ATP8A1: variants seen among roughly 807,000 people sequenced by gnomAD.
ATP8A1 encodes the protein phospholipid-transporting ATPase IA.
ATP8A1 carries 90 observed loss-of-function variants against 177.7 expected under a neutral mutation model. That is an observed-to-expected ratio of 0.51 (90% confidence interval 0.43 to 0.60). The LOEUF (loss-of-function observed/expected upper bound fraction) is 0.60. ATP8A1 is among the 20% of genes least tolerant of loss of function. The pLI is 0.00. For missense variants in ATP8A1, 1,072 were observed against 1,392.8 expected, an observed-to-expected ratio of 0.77 and a Z score of 3.67; for synonymous variants, 493 against 485.9, an observed-to-expected ratio of 1.01 and a Z score of -0.19.
intron 20 of ATP8A1, among the ~76,000 whole-genome samples, chr4:42,525,291 A>G (rs1726563270): frequency 6.6e-6 from 1 of 152,206 alleles, no homozygotes; most frequent in Non-Finnish European, 1.5e-5. Flanking sequence ...TTAAAATGCC[A>G]GTGTGCACAG....
chr4:42,548,559 A>T (rs1729162597), intron 19 of ATP8A1, among the ~76,000 whole-genome samples: 1 of 152,146 alleles, frequency 6.6e-6, no homozygotes, highest in African/African-American at 2.4e-5. Flanking sequence ...GAACATTTTA[A>T]GTCCTCTCTT....
intron 25 of ATP8A1, 57 bp from the exon 26 acceptor site, chr4:42,465,133 C>T (rs1577985856): frequency 1.4e-6 from 2 of 1,466,934 alleles, no homozygotes; most frequent in East Asian, 2.3e-5. Context: ...TTTTGAAATG[C>T]CATCGTGTTG....
At chr4:42,458,138 G>A (rs1265546031) in intron 27 of ATP8A1, among the ~76,000 whole-genome samples, 1 of 152,132 alleles carries the variant, frequency 6.6e-6, no homozygotes, top group Non-Finnish European at 1.5e-5. Flanking sequence ...CCAGCAGGCC[G>A]ATTTCAAGTT....
intron 14 of ATP8A1, among the ~76,000 whole-genome samples, chr4:42,573,434 G>A (rs1377714809): frequency 6.6e-6 from 1 of 152,162 alleles, no homozygotes; most frequent in African/African-American, 2.4e-5. Context: ...GTTGGGAGGA[G>A]GGTGGAGGAG....
rs774412533 is a variant in ATP8A1 at position 42,522,209 on chromosome 4, A to G, written c.1898T>C (p.Val633Ala). ...TTCGAGTTTGAGTAGCCTGTTCTGC[A>G]CAGATGTAGATGCTCGCTGATAGAC... ...RAVYQRASTS[V>A]QNRLLKLEES... The change falls in exon 22 of 37, where the codon GTG becomes GCG. Residue 633 changes from valine (V) to alanine (A), a missense_variant. Coordinates refer to ENST00000381668, the MANE Select transcript of ATP8A1 (RefSeq NM_006095.2). 1.6e-5 allele frequency: 26 copies of G among 1,613,640 alleles called. No individual in the cohort carries two copies. Among genetic ancestry groups the G allele is most frequent in the Non-Finnish European group, 1.9e-5 (22 of 1,179,886 alleles).
At chr4:42,549,516 C>G (rs1220081705) in intron 18 of ATP8A1, among the ~76,000 whole-genome samples, 2 of 152,022 alleles carry the variant, frequency 1.3e-5, no homozygotes. Context: ...GTGGCCAGGT[C>G]TGGTGGCCAT....
chr4:42,544,029 A>T (rs1453970223), intron 19 of ATP8A1, 43 bp from the exon 20 acceptor site: 1 of 1,463,198 alleles, frequency 6.8e-7, no homozygotes, highest in Non-Finnish European at 9.5e-7. Context: ...CATACCAAGG[A>T]TATGCATGTA....
chr4:42,617,295 C>A (rs530937750), intron 4 of ATP8A1, among the ~76,000 whole-genome samples: 2 of 152,216 alleles, frequency 1.3e-5, no homozygotes, highest in Admixed American at 1.3e-4. Flanking sequence ...AATGCCTCTG[C>A]GAAAGAATTG....
At chr4:42,575,496 A>G in intron 13 of ATP8A1, 126 bp downstream of exon 13, 1 of 748,914 alleles carries the variant, frequency 1.3e-6, no homozygotes, top group Non-Finnish European at 2.3e-6. Context: ...ATGCACTAAC[A>G]AATATATTAT....
chr4:42,514,415 A>G (rs1046667627), intron 22 of ATP8A1, among the ~76,000 whole-genome samples: 1 of 152,244 alleles, frequency 6.6e-6, no homozygotes, highest in Non-Finnish European at 1.5e-5. Context: ...GCATGTGATT[A>G]GAGATCTAAG....
chr4:42,656,748 C>T (rs1333839773), intron 1 of ATP8A1, 77 bp downstream of exon 1: 3 of 1,403,748 alleles, frequency 2.1e-6, no homozygotes, highest in Non-Finnish European at 1.9e-6. Context: ...GCGGTCTCTT[C>T]CAGGATAAAC....
intron 31 of ATP8A1, among the ~76,000 whole-genome samples, chr4:42,445,498 T>C (rs1717112739): frequency 6.6e-6 from 1 of 152,122 alleles, no homozygotes; most frequent in South Asian, 2.1e-4. Context: ...ATCTTAAATA[T>C]TGTTAGTCGT....
intron 25 of ATP8A1, among the ~76,000 whole-genome samples, chr4:42,466,636 T>C (rs963365395): frequency 2.0e-5 from 3 of 152,242 alleles, no homozygotes; most frequent in Non-Finnish European, 4.4e-5. Context: ...AAAACCATTT[T>C]TAATTTTTTC....
At chr4:42,428,046 C>T (rs371362690) in intron 33 of ATP8A1, among the ~76,000 whole-genome samples, 38 of 152,302 alleles carry the variant, frequency 2.5e-4, no homozygotes, top group African/African-American at 7.2e-4. Flanking sequence ...GAATGTTATC[C>T]AAGCTGTGAA....
chr4:42,483,807 C>T (rs1721934726), intron 25 of ATP8A1, among the ~76,000 whole-genome samples: 1 of 152,192 alleles, frequency 6.6e-6, no homozygotes, highest in Non-Finnish European at 1.5e-5. Flanking sequence ...TGGCCTCCCA[C>T]ATCTTTCCAA....
At chr4:42,463,373 C>T (rs1197996914) in intron 27 of ATP8A1, among the ~76,000 whole-genome samples, 1 of 152,140 alleles carries the variant, frequency 6.6e-6, no homozygotes, top group Non-Finnish European at 1.5e-5. Context: ...GAGGAGTTCC[C>T]CTGCACAAGC....
At chr4:42,636,152 A>ACGCGCGCGTGCGTG (rs1276251388) in intron 1 of ATP8A1, among the ~76,000 whole-genome samples, 29 of 33,772 alleles carry the variant, frequency 8.6e-4, no homozygotes, top group African/African-American at 1.7e-3. Flanking sequence ...ACACACACAC[A>ACGCGCGCGTGCGTG]CACACGCACA....
chr4:42,641,028 A>ACAAT (rs1739931673), intron 1 of ATP8A1, among the ~76,000 whole-genome samples: 1 of 146,686 alleles, frequency 6.8e-6, no homozygotes, highest in South Asian at 2.2e-4. Flanking sequence ...AAAAAAAAAA[A>ACAAT]GAACAATGAA....
intron 11 of ATP8A1, among the ~76,000 whole-genome samples, chr4:42,579,337 A>T (rs1732783480): frequency 1.4e-5 from 2 of 144,134 alleles, no homozygotes; most frequent in African/African-American, 5.0e-5. Context: ...ATTTAAATAA[A>T]ATATAAACAA....
Sources: allele counts gnomAD v4.1 joint callset (sites outside exome capture counted in the v4.1 genomes callset), GRCh38; gene constraint gnomAD v4.1.1; transcripts MANE v1.5; gene names NCBI Gene and HGNC (gene_info 2026-07-23, HGNC 2026-07-21).